Variants in PDE4B observed in about 807,000 individuals in gnomAD.
PDE4B encodes 3',5'-cyclic-AMP phosphodiesterase 4B.
In PDE4B, 20 loss-of-function variants were observed where a neutral mutation model predicts 82.2. That is an observed-to-expected ratio of 0.24 (90% CI 0.17 to 0.35). PDE4B has a LOEUF of 0.35. Ranked by LOEUF, PDE4B falls within the 10% of genes least tolerant of loss-of-function variation. The probability of loss-of-function intolerance (pLI) is 1.00; values close to 1 mark genes in which losing one functional copy is unlikely to be tolerated. For synonymous variants in PDE4B, 320 were observed against 318.9 expected (o/e 1.00, Z -0.04); for missense variants, 655 against 907.2 (o/e 0.72, Z 3.57).
At chr1:65,940,272 G>C (rs923233879) in intron 3 of PDE4B, among the ~76,000 whole-genome samples, 7 of 151,930 alleles carry the variant, frequency 4.6e-5, no homozygotes, top group Non-Finnish European at 1.0e-4. Flanking sequence ...ATCTTCATAG[G>C]AGAAAAAAGG....
chr1:65,828,318 T>G (rs1445703454), intron 1 of PDE4B, among the ~76,000 whole-genome samples: 3 of 152,162 alleles, frequency 2.0e-5, no homozygotes, highest in African/African-American at 7.2e-5. Context: ...TGATCATGGC[T>G]CACTGCAACC....
At chr1:65,963,079 A>G (rs1156259372) in intron 3 of PDE4B, among the ~76,000 whole-genome samples, 1 of 152,192 alleles carries the variant, frequency 6.6e-6, no homozygotes, top group African/African-American at 2.4e-5. Flanking sequence ...AAAATTCCTG[A>G]AAATTTAATA....
chr1:66,359,695 C>A (rs970592347), intron 9 of PDE4B, among the ~76,000 whole-genome samples: 5 of 152,156 alleles, frequency 3.3e-5, no homozygotes, highest in African/African-American at 1.2e-4. Flanking sequence ...ATCTAAGAGC[C>A]TCTTTAACCG....
intron 3 of PDE4B, among the ~76,000 whole-genome samples, chr1:66,104,333 T>C (rs984056518): frequency 1.3e-4 from 19 of 150,630 alleles, no homozygotes; most frequent in Non-Finnish European, 2.7e-4. Context: ...TAATCCAGTC[T>C]ATCATTGTTG....
chr1:65,994,368 A>G (rs1053211595), intron 3 of PDE4B, among the ~76,000 whole-genome samples: 2 of 152,094 alleles, frequency 1.3e-5, no homozygotes, highest in African/African-American at 4.8e-5. Flanking sequence ...GCTTTCTGAC[A>G]ATGGACTGTT....
At chr1:66,127,647 T>C (rs781304932) in intron 3 of PDE4B, among the ~76,000 whole-genome samples, 1 of 152,132 alleles carries the variant, frequency 6.6e-6, no homozygotes, top group Non-Finnish European at 1.5e-5. Flanking sequence ...ACAGAAAGCA[T>C]GCGATTTCTC....
At chr1:66,164,559 A>AAAAAAAAAAAAAAAAAAAAAAAAAG (rs1646684798) in intron 3 of PDE4B, among the ~76,000 whole-genome samples, 1 of 125,006 alleles carries the variant, frequency 8.0e-6, no homozygotes, top group Non-Finnish European at 1.7e-5. Context: ...AAAAAAAAAA[A>AAAAAAAAAAAAAAAAAAAAAAAAAG]AAAGAAAGAA....
chr1:65,983,019 A>G (rs1364157749), intron 3 of PDE4B, among the ~76,000 whole-genome samples: 2 of 152,162 alleles, frequency 1.3e-5, no homozygotes, highest in Non-Finnish European at 1.5e-5. Flanking sequence ...CACCCCATTC[A>G]TGGGCCCAAA....
intron 3 of PDE4B, among the ~76,000 whole-genome samples, chr1:66,124,667 C>T (rs1239914282): frequency 1.3e-5 from 2 of 152,080 alleles, no homozygotes; most frequent in African/African-American, 4.8e-5. Flanking sequence ...ATAGAGCTCA[C>T]TGAAGGTAGG....
At chr1:66,275,381 A>T (rs1407907132) in intron 7 of PDE4B, among the ~76,000 whole-genome samples, 3 of 152,164 alleles carry the variant, frequency 2.0e-5, no homozygotes, top group African/African-American at 4.8e-5. Context: ...TGCAGAGAGG[A>T]CAAAACCCAC....
At chr1:65,863,298 T>A (rs1162585208) in intron 1 of PDE4B, among the ~76,000 whole-genome samples, 1 of 152,210 alleles carries the variant, frequency 6.6e-6, no homozygotes, top group Non-Finnish European at 1.5e-5. Flanking sequence ...TCAGTTTCCA[T>A]GTAGTTGTGC....
chr1:66,125,586 G>T (rs1420907224), intron 3 of PDE4B, among the ~76,000 whole-genome samples: 1 of 152,202 alleles, frequency 6.6e-6, no homozygotes, highest in Non-Finnish European at 1.5e-5. Context: ...GACACTGTAG[G>T]AACTTCACTC....
chr1:65,883,872 G>C (rs1292668942), intron 1 of PDE4B, among the ~76,000 whole-genome samples: 2 of 152,158 alleles, frequency 1.3e-5, no homozygotes, highest in Admixed American at 1.3e-4. Flanking sequence ...ATGAATGGCC[G>C]TTGAATTTTG....
chr1:66,334,993 C>CA lies in PDE4B; in HGVS notation c.747+2382dup, dbSNP rs1001351683. ...TCTTTGGGAACTGAATTATCCATGGCAAAAAAAAACTATATTCCATATTCA... is the reference window on the plus strand; with the variant it reads ...TCTTTGGGAACTGAATTATCCATGGCAAAAAAAAAACTATATTCCATATTCA... On this transcript the variant is annotated intron_variant, in intron 8 of 16. Coordinates refer to ENST00000341517, the MANE Select transcript of PDE4B (RefSeq NM_002600.4). 5.1e-3 allele frequency among the ~76,000 whole-genome samples: 767 copies of CA among 150,566 alleles called. 7 individuals are homozygous for CA. The highest frequency in any genetic ancestry group is 0.018 in the African/African-American group (733 of 41,078).
intron 1 of PDE4B, among the ~76,000 whole-genome samples, chr1:65,799,236 A>C (rs184373959): frequency 6.6e-6 from 1 of 152,330 alleles, no homozygotes; most frequent in East Asian, 1.9e-4. Flanking sequence ...GCCATAAGGA[A>C]ATCTAAGTTC....
chr1:66,192,617 A>G (rs1021380684), intron 3 of PDE4B, among the ~76,000 whole-genome samples: 1 of 152,202 alleles, frequency 6.6e-6, no homozygotes, highest in Middle Eastern at 3.2e-3. Context: ...CAAGAAATAT[A>G]GGAAATATCC....
intron 8 of PDE4B, among the ~76,000 whole-genome samples, chr1:66,334,808 T>A (rs887197321): frequency 6.6e-6 from 1 of 152,228 alleles, no homozygotes; most frequent in East Asian, 1.9e-4. Context: ...ATGACACATA[T>A]GATATAAGGC....
intron 1 of PDE4B, among the ~76,000 whole-genome samples, chr1:65,813,058 C>G (rs1318479791): frequency 6.6e-6 from 1 of 152,118 alleles, no homozygotes; most frequent in East Asian, 1.9e-4. Flanking sequence ...AGATTGGGAA[C>G]AGGCAGAGAG....
At chr1:66,364,620 G>T (rs960951383) in intron 12 of PDE4B, among the ~76,000 whole-genome samples, 2 of 152,184 alleles carry the variant, frequency 1.3e-5, no homozygotes, top group African/African-American at 2.4e-5. Flanking sequence ...TATTGCTTGT[G>T]TTGCATATTT....
Sources: allele counts gnomAD v4.1 joint callset (sites outside exome capture counted in the v4.1 genomes callset), GRCh38; gene constraint gnomAD v4.1.1; transcripts MANE v1.5; gene names NCBI Gene and HGNC (gene_info 2026-07-23, HGNC 2026-07-21).